PHLPP1: variants seen among roughly 807,000 people sequenced by gnomAD.
The protein encoded by PHLPP1 is PH domain and leucine rich repeat protein phosphatase 1.
A neutral mutation model predicts 117.2 loss-of-function variants in PHLPP1; 42 were observed. The ratio of observed to expected loss-of-function variants is 0.36; its 90% confidence interval spans 0.28 to 0.46. PHLPP1 has a LOEUF of 0.46. Ranked by LOEUF, PHLPP1 falls within the 20% of genes least tolerant of loss-of-function variation. The probability of loss-of-function intolerance (pLI) is 1.00; values close to 1 mark genes in which losing one functional copy is unlikely to be tolerated. For missense variants in PHLPP1, 2,084 were observed against 2,241.9 expected, an observed-to-expected ratio of 0.93 and a Z score of 1.42; for synonymous variants, 1,042 against 970.7, an observed-to-expected ratio of 1.07 and a Z score of -1.37.
chr18:62,942,835 G>T (rs1367812262), intron 11 of PHLPP1, among the ~76,000 whole-genome samples: 1 of 152,126 alleles, frequency 6.6e-6, no homozygotes, highest in Non-Finnish European at 1.5e-5. Context: ...CTACCAGTCT[G>T]TTCGAGCCCT....
chr18:62,767,612 T>G (rs1416496250), intron 1 of PHLPP1, among the ~76,000 whole-genome samples: 1 of 152,220 alleles, frequency 6.6e-6, no homozygotes, highest in Non-Finnish European at 1.5e-5. Flanking sequence ...AGGTAATGAC[T>G]CATAAGAATT....
rs192890742 is a variant in PHLPP1, at chr18:62,890,879, C to A, written c.2067-4132C>A. Among the ~76,000 whole-genome samples the A allele has an allele frequency of 7.9e-4, 120 of 152,026 alleles. 1 individual carries two copies. Among genetic ancestry groups the A allele is most frequent in the African/African-American group, 2.4e-3 (98 of 41,448 alleles). On this transcript the variant is annotated intron_variant, in intron 4 of 16. Transcript: ENST00000262719. ...TTTTTTAAGTTAATTTAATTGGATG[C>A]AAATTTTAAAACTGGCCCATTCTCT... is the stretch of plus-strand genomic sequence containing the variant.
intron 3 of PHLPP1, among the ~76,000 whole-genome samples, chr18:62,842,046 C>A (rs1257198958): frequency 1.3e-5 from 2 of 152,054 alleles, no homozygotes; most frequent in Non-Finnish European, 2.9e-5. Context: ...ATAGTACTTA[C>A]CTTTTAGGGC....
chr18:62,886,092 G>A (rs113467832), intron 4 of PHLPP1, among the ~76,000 whole-genome samples: 33 of 152,170 alleles, frequency 2.2e-4, no homozygotes, highest in African/African-American at 7.5e-4. Context: ...GTGTATAAAC[G>A]TACGGTGTCA....
At chr18:62,808,294 A>G (rs1474360628) in intron 1 of PHLPP1, among the ~76,000 whole-genome samples, 1 of 152,146 alleles carries the variant, frequency 6.6e-6, no homozygotes, top group Non-Finnish European at 1.5e-5. Context: ...TCAAGTGAAG[A>G]AGACTGGGCT....
Position 62,902,452 on chromosome 18 carries a change from G to GTCCATTACTGTTTT in PHLPP1, c.2445-507_2445-494dup, listed in dbSNP as rs1269739514. ...AACTCTTATTCGTTGTGTGACTCCCGTCCATTACTGTTTTTCCACCTCAAC... is the reference window on the plus strand; with the variant it reads ...AACTCTTATTCGTTGTGTGACTCCCGTCCATTACTGTTTTTCCATTACTGTTTTTCCACCTCAAC... On this transcript the variant is annotated intron_variant, in intron 6 of 16. Transcript: ENST00000262719. Among the ~76,000 whole-genome samples the GTCCATTACTGTTTT allele has an allele frequency of 3.3e-5, 5 of 152,168 alleles. No individual in the cohort carries two copies. In the East Asian group the frequency reaches 9.6e-4, roughly 29 times the overall value.
chr18:62,891,726 CAA>C (rs140328581), intron 4 of PHLPP1, among the ~76,000 whole-genome samples: 1 of 123,072 alleles, frequency 8.1e-6, no homozygotes, highest in Non-Finnish European at 1.7e-5. Flanking sequence ...TTCGTCTCTA[CAA>C]AAAAAAAAAA....
intron 10 of PHLPP1, among the ~76,000 whole-genome samples, chr18:62,926,321 A>T (rs1599124636): frequency 6.6e-6 from 1 of 152,150 alleles, no homozygotes; most frequent in Non-Finnish European, 1.5e-5. Flanking sequence ...CTGGTGGCAA[A>T]CTCCATTTTT....
intron 4 of PHLPP1, 67 bp downstream of exon 4, chr18:62,860,668 C>A: frequency 7.9e-7 from 1 of 1,273,792 alleles, no homozygotes; most frequent in African/African-American, 1.5e-5. Flanking sequence ...TGCTTGTTAT[C>A]TCTTGAATAT....
chr18:62,876,530 A>G (rs916370894), intron 4 of PHLPP1, among the ~76,000 whole-genome samples: 3 of 150,444 alleles, frequency 2.0e-5, no homozygotes, highest in African/African-American at 7.5e-5. Context: ...CATCTACTGT[A>G]AAGTCCTTAA....
intron 12 of PHLPP1, among the ~76,000 whole-genome samples, chr18:62,952,810 G>T (rs565137257): frequency 6.6e-6 from 1 of 152,136 alleles, no homozygotes; most frequent in Non-Finnish European, 1.5e-5. Context: ...TTTATGCGGA[G>T]ATGGTCTTGC....
chr18:62,833,909 C>T (rs750011815), intron 2 of PHLPP1, among the ~76,000 whole-genome samples: 3 of 152,082 alleles, frequency 2.0e-5, no homozygotes, highest in South Asian at 4.1e-4. Flanking sequence ...CAGTAGTTTG[C>T]GAGTGGAGTT....
chr18:62,863,886 C>T (rs1041089185), intron 4 of PHLPP1, among the ~76,000 whole-genome samples: 2 of 152,180 alleles, frequency 1.3e-5, no homozygotes, highest in Non-Finnish European at 2.9e-5. Context: ...CCTGGGAATG[C>T]AGCCCAGTAG....
At chr18:62,752,324 G>A (rs1911883377) in intron 1 of PHLPP1, among the ~76,000 whole-genome samples, 1 of 152,136 alleles carries the variant, frequency 6.6e-6, no homozygotes, top group Admixed American at 6.5e-5. Context: ...AGAGAAGCAG[G>A]GTGTTCAAGC....
In PHLPP1 at chr18:62,978,680, C is replaced by T; in HGVS notation, c.4403C>T (p.Ser1468Phe). Reference sequence around the variant, plus strand: ...CCCTCAGATGGGCTGGGCGTGCCGTCCTCCAGCAGCGGCATGGCTTCCGAG... The same window carrying T: ...CCCTCAGATGGGCTGGGCGTGCCGTTCTCCAGCAGCGGCATGGCTTCCGAG... ...DRPSDGLGVP[S>F]SSSGMASEIS... The change falls in exon 17 of 17, where the codon TCC (serine) becomes TTC (phenylalanine). Residue 1468 changes from serine (S) to phenylalanine (F), a missense_variant. This residue lies in a region of PHLPP1 where 1,365 missense variants were observed against 1,605.9 expected (regional missense o/e 0.85). Transcript: ENST00000262719. The surrounding 1 kb of genome is among the most constrained non-coding windows in gnomAD (Gnocchi z 7.0). The T allele has an allele frequency of 1.2e-6, 2 of 1,613,924 alleles. No individual in the cohort carries two copies. The highest frequency in any genetic ancestry group is 1.7e-6 in the Non-Finnish European group (2 of 1,179,878).
intron 3 of PHLPP1, among the ~76,000 whole-genome samples, chr18:62,843,931 G>A (rs1568135294): frequency 6.6e-6 from 1 of 152,148 alleles, no homozygotes; most frequent in Non-Finnish European, 1.5e-5. Flanking sequence ...CATTCATTGT[G>A]GATATGTTGA....
intron 10 of PHLPP1, among the ~76,000 whole-genome samples, chr18:62,924,770 C>G (rs1320584834): frequency 1.4e-5 from 2 of 147,980 alleles, no homozygotes; most frequent in Non-Finnish European, 3.0e-5. Flanking sequence ...CCTAGGAGTT[C>G]GAGGCTGCCG....
chr18:62,900,189 C>T (rs924237382), intron 6 of PHLPP1, among the ~76,000 whole-genome samples: 4 of 151,782 alleles, frequency 2.6e-5, no homozygotes, highest in Admixed American at 1.3e-4. Flanking sequence ...CCCAACTACT[C>T]GGTAGGCTAA....
At chr18:62,722,767 T>C (rs574470301) in intron 1 of PHLPP1, among the ~76,000 whole-genome samples, 22 of 152,220 alleles carry the variant, frequency 1.4e-4, no homozygotes, top group Non-Finnish European at 2.6e-4. Context: ...CAGAAACTTA[T>C]GATAAATTGA....
Sources: gnomAD v4.1 joint callset for allele counts (sites outside exome capture counted in the v4.1 genomes callset) on GRCh38, gnomAD v4.1.1 for gene constraint, gnomAD v4.1.1 regional missense constraint, Gnocchi (gnomAD v3.1) non-coding constraint, MANE v1.5 for transcripts, NCBI Gene and HGNC (gene_info 2026-07-23, HGNC 2026-07-21) for gene names.